The following ELMO1 variants were observed in gnomAD, a reference collection of about 807,000 sequenced individuals.
ELMO1 encodes engulfment and cell motility protein 1.
A neutral mutation model predicts 98.9 loss-of-function variants in ELMO1; 26 were observed. The ratio of observed to expected loss-of-function variants is 0.26; its 90% CI spans 0.19 to 0.36. The LOEUF is 0.36. Among genes scored for constraint, ELMO1 ranks in the 10% least tolerant of loss-of-function variants. The pLI, the probability that ELMO1 is intolerant of heterozygous loss-of-function variation, is 1.00. For synonymous variants in ELMO1, 346 were observed against 346.0 expected, an observed-to-expected ratio of 1.00 and a Z score of 0.00; for missense variants, 627 against 935.2, an observed-to-expected ratio of 0.67 and a Z score of 4.30.
chr7:37,177,393 A>G (rs1276700156), intron 13 of ELMO1, among the ~76,000 whole-genome samples: 2 of 152,228 alleles, frequency 1.3e-5, no homozygotes, highest in African/African-American at 4.8e-5. Context: ...ATAGTTCTCA[A>G]ACTTCAGAGC....
intron 16 of ELMO1, among the ~76,000 whole-genome samples, chr7:36,970,242 G>A (rs1469722697): frequency 6.6e-6 from 1 of 150,642 alleles, no homozygotes; most frequent in African/African-American, 2.5e-5. Flanking sequence ...ATCATATGCT[G>A]AATGCTGTCC....
intron 1 of ELMO1, among the ~76,000 whole-genome samples, chr7:37,439,121 C>G (rs1386456852): frequency 6.6e-6 from 1 of 152,174 alleles, no homozygotes. Flanking sequence ...GCAGGCCTAG[C>G]AGGAGCTCCC....
At chr7:37,203,767 C>G (rs1213574359) in intron 13 of ELMO1, among the ~76,000 whole-genome samples, 1 of 152,136 alleles carries the variant, frequency 6.6e-6, no homozygotes, top group African/African-American at 2.4e-5. Flanking sequence ...ATGGGCGAGT[C>G]TGCTTGGACG....
intron 13 of ELMO1, among the ~76,000 whole-genome samples, chr7:37,164,387 G>C (rs796347721): frequency 6.6e-6 from 1 of 151,996 alleles, no homozygotes; most frequent in Admixed American, 6.5e-5. Context: ...ATTGCTTTTG[G>C]TGTTTTAGAC....
chr7:37,074,144 A>C (rs962189307), intron 15 of ELMO1, among the ~76,000 whole-genome samples: 1 of 148,142 alleles, frequency 6.8e-6, no homozygotes, highest in Non-Finnish European at 1.5e-5. Flanking sequence ...TATCAATATA[A>C]TACTATATAT....
chr7:37,010,798 C>T (rs534883336), intron 16 of ELMO1, among the ~76,000 whole-genome samples: 29 of 152,124 alleles, frequency 1.9e-4, no homozygotes, highest in Admixed American at 1.4e-3. Context: ...AAGTTATATA[C>T]GCATGACAAA....
chr7:37,241,258 T>G (rs1429745443), intron 7 of ELMO1, among the ~76,000 whole-genome samples: 1 of 152,152 alleles, frequency 6.6e-6, no homozygotes. Context: ...TTACTAATTA[T>G]CCCTCTTTAA....
At chr7:36,925,765 C>A (rs547050827) in intron 16 of ELMO1, among the ~76,000 whole-genome samples, 1 of 152,280 alleles carries the variant, frequency 6.6e-6, no homozygotes, top group African/African-American at 2.4e-5. Context: ...CTGGCTATTA[C>A]CTCTGACAAA....
chr7:37,217,809 G>C, intron 10 of ELMO1: 1 of 456,826 alleles, frequency 2.2e-6, no homozygotes, highest in Non-Finnish European at 4.4e-6. Context: ...GAGAAGAAGG[G>C]ATGGAAATTC....
intron 2 of ELMO1, among the ~76,000 whole-genome samples, chr7:37,324,106 G>T (rs964492356): frequency 1.3e-5 from 2 of 152,086 alleles, no homozygotes; most frequent in African/African-American, 2.4e-5. Flanking sequence ...CCTCATCAGA[G>T]CCCCTCCCTG....
At chr7:37,028,586 T>TA (rs973380035) in intron 15 of ELMO1, among the ~76,000 whole-genome samples, 4 of 151,648 alleles carry the variant, frequency 2.6e-5, no homozygotes, top group Non-Finnish European at 5.9e-5. Context: ...TCCTGCTCTT[T>TA]AAAAAAAAAT....
intron 14 of ELMO1, among the ~76,000 whole-genome samples, chr7:37,112,588 A>G (rs1368777557): frequency 6.6e-6 from 1 of 152,220 alleles, no homozygotes; most frequent in Non-Finnish European, 1.5e-5. Flanking sequence ...AGTGTTACAG[A>G]GCAGCATTTG....
chr7:37,105,307 C>T (rs1222224067), intron 14 of ELMO1, among the ~76,000 whole-genome samples: 1 of 152,194 alleles, frequency 6.6e-6, no homozygotes, highest in East Asian at 1.9e-4. Flanking sequence ...CCAAGCTCTG[C>T]TGACTATTCA....
chr7:37,295,283 T>C (rs941182981), intron 4 of ELMO1, among the ~76,000 whole-genome samples: 3 of 152,224 alleles, frequency 2.0e-5, no homozygotes, highest in African/African-American at 7.2e-5. Context: ...TTAAAGGTGA[T>C]GCAAAACAGT....
intron 1 of ELMO1, among the ~76,000 whole-genome samples, chr7:37,369,322 G>T (rs1802022462): frequency 6.6e-6 from 1 of 152,138 alleles, no homozygotes; most frequent in African/African-American, 2.4e-5. Flanking sequence ...TATACCTACT[G>T]GCTGAGCATC....
rs558155655 is a variant in ELMO1 at position 36,883,022 on chromosome 7, C to A, written c.1714+4538G>T. Reference sequence around the variant, plus strand: ...CAACCAGGGATGGAGAAAGGAATGACCTGCTCCCCACAACAGGGCAATATG... The same window carrying A: ...CAACCAGGGATGGAGAAAGGAATGAACTGCTCCCCACAACAGGGCAATATG... On this transcript the variant is annotated intron_variant, in intron 18 of 21. Coordinates refer to ENST00000310758, the MANE Select transcript of ELMO1 (RefSeq NM_014800.11). Among the ~76,000 whole-genome samples, 3 of 152,240 alleles carry A rather than the reference C, an allele frequency of 2.0e-5. No homozygotes were observed. The East Asian group carries it at 5.8e-4, about 29-fold the overall frequency.
At chr7:37,346,450 C>T (rs558166366) in intron 1 of ELMO1, among the ~76,000 whole-genome samples, 2 of 152,302 alleles carry the variant, frequency 1.3e-5, no homozygotes, top group Admixed American at 1.3e-4. Flanking sequence ...GAATATCCAA[C>T]AATAGGGACT....
In ELMO1 at chr7:37,216,704, G is replaced by T. The variant is rs1033456299; in HGVS notation, c.781-9C>A. The T allele has an allele frequency of 1.9e-6, 3 of 1,613,984 alleles. No homozygotes were observed. The African/African-American group carries it at 4.0e-5, about 22-fold the overall frequency. ...AAAATATTCGCCATCTCCTGTGGAA[G>T]AAAAACACACCCACACAAAGGCTTA... On this transcript the variant is annotated splice_polypyrimidine_tract_variant and intron_variant, in intron 10 of 21. Coordinates refer to ENST00000310758, the MANE Select transcript of ELMO1 (RefSeq NM_014800.11).
At chr7:37,405,685 T>C (rs1166647357) in intron 1 of ELMO1, among the ~76,000 whole-genome samples, 1 of 152,172 alleles carries the variant, frequency 6.6e-6, no homozygotes, top group Non-Finnish European at 1.5e-5. Context: ...GTCAGAAAGA[T>C]AGGCTTATTC....
Sources: gnomAD v4.1 joint callset for allele counts (sites outside exome capture counted in the v4.1 genomes callset) on GRCh38, gnomAD v4.1.1 for gene constraint, MANE v1.5 for transcripts, NCBI Gene and HGNC (gene_info 2026-07-23, HGNC 2026-07-21) for gene names.